The following TTC17 variants were observed in gnomAD, a reference collection of about 807,000 sequenced individuals.
The protein encoded by TTC17 is tetratricopeptide repeat domain 17.
In TTC17, 58 loss-of-function variants were observed where a neutral mutation model predicts 143.8. The ratio of observed to expected loss-of-function variants is 0.40; its 90% CI spans 0.33 to 0.50. TTC17 has a LOEUF of 0.50. Ranked by LOEUF, TTC17 falls within the 20% of genes least tolerant of loss-of-function variation. The probability of loss-of-function intolerance (pLI) is 0.49; values close to 1 mark genes in which losing one functional copy is unlikely to be tolerated. For synonymous variants in TTC17, 501 were observed against 497.8 expected, an observed-to-expected ratio of 1.01 and a Z score of -0.09; for missense variants, 1,273 against 1,392.5, an observed-to-expected ratio of 0.91 and a Z score of 1.37.
chr11:43,379,354 A>G (rs777940194), intron 2 of TTC17, 32 bp downstream of exon 2: 1 of 1,554,224 alleles, frequency 6.4e-7, no homozygotes, highest in Non-Finnish European at 8.8e-7. Context: ...GATGCAGCTG[A>G]TGCTTGTTGC....
chr11:43,437,801 C>T (rs1041401705), intron 16 of TTC17, among the ~76,000 whole-genome samples: 3 of 152,156 alleles, frequency 2.0e-5, no homozygotes, highest in Admixed American at 2.0e-4. Flanking sequence ...AGCCATAATA[C>T]ATTTGCACAA....
intron 15 of TTC17, among the ~76,000 whole-genome samples, chr11:43,411,264 C>T (rs1009804930): frequency 6.6e-6 from 1 of 152,200 alleles, no homozygotes; most frequent in African/African-American, 2.4e-5. Flanking sequence ...ACATACTAAG[C>T]ATGCCCCTAC....
intron 1 of TTC17, among the ~76,000 whole-genome samples, chr11:43,376,308 A>G (rs1345334584): frequency 6.6e-6 from 1 of 152,232 alleles, no homozygotes; most frequent in Non-Finnish European, 1.5e-5. Context: ...ATTCTGAATA[A>G]TAGAATTCCA....
rs1294344463 is a variant in TTC17, at chr11:43,397,228, T to G, written c.774-119T>G. 3 of 1,164,164 alleles carry G rather than the reference T, an allele frequency of 2.6e-6. No homozygotes were observed. In the Admixed American group the frequency reaches 7.2e-5, roughly 28 times the overall value. The allele number at this position is 1,164,164 out of a possible 1,614,324, so 72.1% of individuals were successfully genotyped here. ...CATCAATAATTTAAAAATGAAACAC[T>G]ATGATTATCTTATTTTCTCCACCTA... On this transcript the variant is annotated intron_variant, in intron 6 of 23. Coordinates refer to ENST00000039989, the MANE Select transcript of TTC17 (RefSeq NM_018259.6).
chr11:43,381,563 T>A (rs998304022), intron 2 of TTC17, among the ~76,000 whole-genome samples: 1 of 151,902 alleles, frequency 6.6e-6, no homozygotes, highest in Non-Finnish European at 1.5e-5. Context: ...AGAAAACATA[T>A]CAAAACCAGA....
intron 16 of TTC17, chr11:43,435,180 G>A (rs1947264337): frequency 6.6e-6 from 1 of 152,102 alleles, no homozygotes; most frequent in Non-Finnish European, 1.5e-5. Context: ...CATAGAATGT[G>A]TTTGAATGTT....
At chr11:43,408,551 A>G (rs1161900263) in intron 15 of TTC17, among the ~76,000 whole-genome samples, 1 of 152,162 alleles carries the variant, frequency 6.6e-6, no homozygotes. Flanking sequence ...GAAACTTTTC[A>G]TGATTCCCTT....
At position 43,443,426 on chromosome 11, in the gene TTC17, G is replaced by C. The variant is rs376602366; in HGVS notation, c.2353G>C (p.Ala785Pro). 6.2e-7 allele frequency: 1 copy of C among 1,614,160 alleles called. No homozygotes were observed. Among genetic ancestry groups the C allele is most frequent in the Admixed American group, 1.7e-5 (1 of 60,016 alleles). Residue 785 changes from alanine to proline, a missense_variant, in exon 17 of 24, where the codon GCA becomes CCA. By Grantham distance (27) the Ala-to-Pro change is conservative. Around this residue, in one of 3 missense-constraint regions of TTC17, gnomAD observed 878 missense variants for 899.8 expected, o/e 0.98. Coordinates refer to ENST00000039989, the MANE Select transcript of TTC17 (RefSeq NM_018259.6). Reference sequence around the variant, plus strand: ...GGCTTTGGTGGATGAATTTCAACAGGCATGGCCTTTGGAAGGCTTTGGGGG... The same window carrying C: ...GGCTTTGGTGGATGAATTTCAACAGCCATGGCCTTTGGAAGGCTTTGGGGG... ...ILALVDEFQQ[A>P]WPLEGFGGAL...
intron 21 of TTC17, among the ~76,000 whole-genome samples, chr11:43,452,504 A>G (rs546263995): frequency 1.3e-5 from 2 of 152,162 alleles, no homozygotes; most frequent in East Asian, 3.9e-4. Context: ...CTGTCTCAAT[A>G]AATAATGAAT....
chr11:43,465,041 C>T (rs778334429), intron 21 of TTC17, among the ~76,000 whole-genome samples: 1 of 152,242 alleles, frequency 6.6e-6, no homozygotes, highest in Middle Eastern at 3.4e-3. Context: ...TGGTGACTGT[C>T]TGGGGATTTC....
intron 7 of TTC17, 46 bp downstream of exon 7, chr11:43,397,537 C>A: frequency 5.7e-5 from 69 of 1,215,820 alleles, no homozygotes; most frequent in Non-Finnish European, 6.7e-5. Context: ...TTGCCACTTT[C>A]TTTTTTTTTT....
At chr11:43,425,943 A>G (rs1947017863) in intron 16 of TTC17, among the ~76,000 whole-genome samples, 1 of 152,106 alleles carries the variant, frequency 6.6e-6, no homozygotes, top group Non-Finnish European at 1.5e-5. Context: ...CATCCTTTAA[A>G]CCTCTTTAGC....
chr11:43,415,041 T>C (rs1299210365), intron 16 of TTC17, among the ~76,000 whole-genome samples: 1 of 152,156 alleles, frequency 6.6e-6, no homozygotes, highest in African/African-American at 2.4e-5. Context: ...GGCTTTGAGA[T>C]TTTTTTCCTC....
chr11:43,464,502 T>A (rs1231008062), intron 21 of TTC17, among the ~76,000 whole-genome samples: 1 of 152,064 alleles, frequency 6.6e-6, no homozygotes, highest in Non-Finnish European at 1.5e-5. Context: ...TAAAAAAACT[T>A]GCATTTCAAA....
chr11:43,368,108 A>T (rs917648229), intron 1 of TTC17, among the ~76,000 whole-genome samples: 1 of 152,136 alleles, frequency 6.6e-6, no homozygotes, highest in African/African-American at 2.4e-5. Context: ...TTTTCTTCTC[A>T]GTCCCTGGCC....
chr11:43,382,588 C>CA (rs1353240252), intron 2 of TTC17, among the ~76,000 whole-genome samples: 4 of 152,042 alleles, frequency 2.6e-5, no homozygotes, highest in Non-Finnish European at 4.4e-5. Context: ...GTAGTCTTGC[C>CA]AAAAAATAAT....
chr11:43,386,486 G>T (rs1590336576), intron 2 of TTC17, among the ~76,000 whole-genome samples: 1 of 152,128 alleles, frequency 6.6e-6, no homozygotes, highest in Non-Finnish European at 1.5e-5. Context: ...CACTGCTGGG[G>T]TCCCTTGTTA....
intron 1 of TTC17, among the ~76,000 whole-genome samples, chr11:43,367,605 C>A (rs1469716185): frequency 6.6e-6 from 1 of 152,034 alleles, no homozygotes; most frequent in Non-Finnish European, 1.5e-5. Context: ...CTGCTCACGT[C>A]AAAAATTAGA....
At chr11:43,490,383 A>C (rs1948452998) in intron 22 of TTC17, 25 bp downstream of exon 22, 1 of 1,584,114 alleles carries the variant, frequency 6.3e-7, no homozygotes, top group African/African-American at 1.3e-5. Context: ...GAAGGTGGGA[A>C]CTTCTGCCCC....
Sources: gnomAD v4.1 joint callset for allele counts (sites outside exome capture counted in the v4.1 genomes callset) on GRCh38, gnomAD v4.1.1 for gene constraint, gnomAD v4.1.1 regional missense constraint, MANE v1.5 for transcripts, NCBI Gene and HGNC (gene_info 2026-07-23, HGNC 2026-07-21) for gene names.